The following RBMS3 variants were observed in gnomAD, a reference collection of about 807,000 sequenced individuals.
RBMS3 encodes the protein RNA-binding motif, single-stranded-interacting protein 3.
RBMS3 carries 27 observed loss-of-function variants against 66.8 expected under a neutral mutation model. The ratio of observed to expected loss-of-function variants is 0.40; its 90% CI spans 0.30 to 0.56. The LOEUF (loss-of-function observed/expected upper bound fraction) is 0.56. Among genes scored for constraint, RBMS3 ranks in the 20% least tolerant of loss-of-function variants. The pLI is 0.40. For missense variants in RBMS3, 513 were observed against 549.5 expected (o/e 0.93, Z 0.66); for synonymous variants, 188 against 183.0 (o/e 1.03, Z -0.22).
Position 29,763,001 on chromosome 3 carries a change from A to G in RBMS3, c.637+12A>G, listed in dbSNP as rs763544501. The G allele has an allele frequency of 3.2e-6, 5 of 1,550,714 alleles. No homozygotes were observed. The highest frequency in any genetic ancestry group is 4.4e-6 in the Non-Finnish European group (5 of 1,127,248). On this transcript the variant is annotated intron_variant, in intron 6 of 14. Coordinates refer to ENST00000383767, the MANE Select transcript of RBMS3 (RefSeq NM_001003793.3). ...ACCAGGCATCCCAGGTAAGAAATTC[A>G]CTAATAAGTGACTGAATGATGCCGA...
At chr3:29,632,042 G>C (rs1336506845) in intron 4 of RBMS3, among the ~76,000 whole-genome samples, 13 of 151,830 alleles carry the variant, frequency 8.6e-5, no homozygotes, top group Admixed American at 8.6e-4. Context: ...CGTTAGATTA[G>C]ATACTTTCCT....
chr3:29,933,790 C>T (rs1334357424), intron 10 of RBMS3: 3 of 152,106 alleles, frequency 2.0e-5, no homozygotes, highest in Non-Finnish European at 2.9e-5. Flanking sequence ...TCCCTTCTTA[C>T]TTTTCCCTTT....
chr3:29,846,292 G>A (rs1187558917), intron 6 of RBMS3, among the ~76,000 whole-genome samples: 1 of 152,036 alleles, frequency 6.6e-6, no homozygotes, highest in Non-Finnish European at 1.5e-5. Context: ...GATAGAAGTG[G>A]AAGATTTGGG....
At chr3:29,982,755 T>C (rs1698080766) in intron 12 of RBMS3, among the ~76,000 whole-genome samples, 1 of 152,242 alleles carries the variant, frequency 6.6e-6, no homozygotes, top group Non-Finnish European at 1.5e-5. Context: ...AGTTCTAATT[T>C]GATTGCACTG....
chr3:29,792,544 A>T (rs1199186874), intron 6 of RBMS3, among the ~76,000 whole-genome samples: 1 of 152,168 alleles, frequency 6.6e-6, no homozygotes, highest in East Asian at 1.9e-4. Context: ...TCTAGATCAG[A>T]ATCCCACCTG....
chr3:29,896,730 G>A (rs1184667598), intron 8 of RBMS3, among the ~76,000 whole-genome samples: 1 of 151,532 alleles, frequency 6.6e-6, no homozygotes, highest in Non-Finnish European at 1.5e-5. Flanking sequence ...TGATCTTGTA[G>A]CATTCTACAG....
intron 6 of RBMS3, among the ~76,000 whole-genome samples, chr3:29,833,898 A>G (rs1019833624): frequency 2.0e-4 from 30 of 152,104 alleles, no homozygotes; most frequent in African/African-American, 6.5e-4. Context: ...AATTGTCAAA[A>G]ATCAAAGACA....
chr3:29,573,302 GT>G (rs982154779), intron 3 of RBMS3, among the ~76,000 whole-genome samples: 4 of 152,030 alleles, frequency 2.6e-5, no homozygotes, highest in African/African-American at 9.7e-5. Context: ...TATATTTTTA[GT>G]AGAGATGGGG....
intron 6 of RBMS3, among the ~76,000 whole-genome samples, chr3:29,777,166 T>C (rs550761937): frequency 1.3e-5 from 2 of 152,010 alleles, no homozygotes; most frequent in South Asian, 4.1e-4. Flanking sequence ...TTCATGCAGA[T>C]TTTCCTGATT....
rs572296592 is a variant in RBMS3, at chr3:29,435,831, C to T, written c.248+916C>T. ...CTACTGAAAATACAAAAAAATTAGACGGGCATGGTGGCGGGCGCCTGTAGT... is the reference window on the plus strand; with the variant it reads ...CTACTGAAAATACAAAAAAATTAGATGGGCATGGTGGCGGGCGCCTGTAGT... On this transcript the variant is annotated intron_variant, in intron 2 of 14. Transcript: ENST00000383767. Among the ~76,000 whole-genome samples, 171 of 152,034 alleles carry T rather than the reference C, an allele frequency of 1.1e-3. 1 individual carries two copies. The highest frequency in any genetic ancestry group is 6.8e-3 in the Middle Eastern group (2 of 294).
chr3:29,395,980 T>G (rs983571733), intron 1 of RBMS3, among the ~76,000 whole-genome samples: 1 of 152,184 alleles, frequency 6.6e-6, no homozygotes, highest in Non-Finnish European at 1.5e-5. Flanking sequence ...TTTGCATAGT[T>G]TTGAGGCATC....
chr3:29,708,896 T>C (rs957672712), intron 4 of RBMS3, among the ~76,000 whole-genome samples: 2 of 152,172 alleles, frequency 1.3e-5, no homozygotes, highest in African/African-American at 4.8e-5. Context: ...CCTAAGGGAA[T>C]TTTCTGAGTT....
rs543517510 is a variant in RBMS3 at position 29,547,138 on chromosome 3, T to C, written c.308-39976T>C. Among the ~76,000 whole-genome samples the C allele has an allele frequency of 4.6e-5, 7 of 152,230 alleles. No individual in the cohort carries two copies. In the East Asian group the frequency reaches 1.4e-3, roughly 29 times the overall value. ...CTACAGGCACATCACCATACCTGGC[T>C]AATTTTTGTAGAGACAGGGTCTGGC... On this transcript the variant is annotated intron_variant, in intron 3 of 14. Transcript: ENST00000383767.
chr3:29,401,221 A>G (rs2039796998), intron 1 of RBMS3, among the ~76,000 whole-genome samples: 1 of 152,006 alleles, frequency 6.6e-6, no homozygotes, highest in African/African-American at 2.4e-5. Context: ...AGTTTCCAGA[A>G]TTTTCCCTCA....
At chr3:29,946,347 T>G (rs1260616623) in intron 12 of RBMS3, among the ~76,000 whole-genome samples, 3 of 151,666 alleles carry the variant, frequency 2.0e-5, no homozygotes, top group African/African-American at 4.8e-5. Context: ...TCTTTGCCAG[T>G]GTAGAATCCA....
chr3:30,000,997 C>T (rs1337375670), intron 14 of RBMS3, among the ~76,000 whole-genome samples: 1 of 151,434 alleles, frequency 6.6e-6, no homozygotes, highest in Non-Finnish European at 1.5e-5. Flanking sequence ...ATGTAACAAA[C>T]CTGCACGTTC....
At chr3:29,655,180 C>T (rs2050282994) in intron 4 of RBMS3, among the ~76,000 whole-genome samples, 1 of 152,166 alleles carries the variant, frequency 6.6e-6, no homozygotes, top group South Asian at 2.1e-4. Context: ...TCTGGTTAAG[C>T]TCTTCTCCCT....
chr3:29,509,448 TC>T, intron 3 of RBMS3, among the ~76,000 whole-genome samples: 1 of 152,362 alleles, frequency 6.6e-6, no homozygotes, highest in East Asian at 1.9e-4. Context: ...ATAATTATTG[TC>T]TTCATTTTCT....
intron 4 of RBMS3, among the ~76,000 whole-genome samples, chr3:29,738,109 T>G (rs2149346588): frequency 6.6e-6 from 1 of 152,322 alleles, no homozygotes; most frequent in Non-Finnish European, 1.5e-5. Flanking sequence ...TATCTGAATA[T>G]TTAGTTGTTA....
Sources: allele counts gnomAD v4.1 joint callset (sites outside exome capture counted in the v4.1 genomes callset), GRCh38; gene constraint gnomAD v4.1.1; transcripts MANE v1.5; gene names NCBI Gene and HGNC (gene_info 2026-07-23, HGNC 2026-07-21).